Variants in MLIP observed in about 807,000 individuals in gnomAD.
MLIP encodes muscular LMNA interacting protein.
MLIP carries 79 observed loss-of-function variants against 84.8 expected under a neutral mutation model. The ratio of observed to expected loss-of-function variants is 0.93; its 90% CI spans 0.78 to 1.12. MLIP has a LOEUF of 1.12. MLIP is among the 50% of genes most tolerant of loss of function. MLIP has a pLI of 0.00. For missense variants in MLIP, 1,257 were observed against 1,160.6 expected (o/e 1.08, Z -1.21); for synonymous variants, 504 against 463.0 (o/e 1.09, Z -1.14).
At chr6:54,047,675 A>T (rs1010133926) in intron 1 of MLIP, 4 of 152,192 alleles carry the variant, frequency 2.6e-5, no homozygotes, top group African/African-American at 9.6e-5. Flanking sequence ...AACTTCAACT[A>T]AGCAGTTCCG....
chr6:54,190,914 G>GCCTC (rs1160870201), intron 10 of MLIP, among the ~76,000 whole-genome samples: 4 of 151,208 alleles, frequency 2.6e-5, no homozygotes, highest in Middle Eastern at 3.4e-3. Context: ...TCCTGCCTCA[G>GCCTC]CCTCCCGAGT....
rs77318205 is a variant in MLIP at position 54,040,653 on chromosome 6, T to C, written c.63+21562T>C. 6.3e-3 allele frequency among the ~76,000 whole-genome samples: 965 copies of C among 152,048 alleles called. 2 individuals carry two copies. The highest frequency in any genetic ancestry group is 0.01 in the Non-Finnish European group (692 of 67,920). ...GCACTATTTCATAATAACAAATACA[T>C]AGAATCAACCTAGGTGCCTATCAGT... On this transcript the variant is annotated intron_variant, in intron 1 of 12. Coordinates refer to the MLIP transcript ENST00000274897.
intron 1 of MLIP, among the ~76,000 whole-genome samples, chr6:54,042,887 C>A (rs1248158608): frequency 6.6e-6 from 1 of 152,126 alleles, no homozygotes; most frequent in African/African-American, 2.4e-5. Flanking sequence ...TCATCATCGT[C>A]ACTTAGTAAT....
chr6:54,262,637 G>A (rs1783461509), intron 13 of MLIP, among the ~76,000 whole-genome samples: 1 of 151,960 alleles, frequency 6.6e-6, no homozygotes, highest in South Asian at 2.1e-4. Context: ...GTCTTTCTTG[G>A]TTGTTTACAT....
rs552558359 is a variant in MLIP at position 54,203,049 on chromosome 6, C to A, written c.2718+816C>A. Reference sequence around the variant, plus strand: ...AAGTAATAGTAACAGAATCGGGGATCAAGTCATATTTAGGATTTGTTGTTC... The same window carrying A: ...AAGTAATAGTAACAGAATCGGGGATAAAGTCATATTTAGGATTTGTTGTTC... On this transcript the variant is annotated intron_variant, in intron 11 of 13. Coordinates refer to ENST00000502396, the MANE Select transcript of MLIP (RefSeq NM_001281747.2). Among the ~76,000 whole-genome samples the A allele has an allele frequency of 3.3e-5, 5 of 152,164 alleles. No individual in the cohort carries two copies. The South Asian group carries it at 1.0e-3, about 32-fold the overall frequency.
At position 54,265,983 on chromosome 6, in the gene MLIP, C is replaced by A; in HGVS notation, c.*28C>A. 9 of 1,610,590 alleles carry A rather than the reference C, an allele frequency of 5.6e-6. No homozygotes were observed. Among genetic ancestry groups the A allele is most frequent in the Middle Eastern group, 1.8e-4 (1 of 5,710 alleles). Reference sequence around the variant, plus strand: ...TTGGAGCAGAGGCTGAAAACACAGGCTGCTGAAGTTTTTTGGAATGCTGGT... The same window carrying A: ...TTGGAGCAGAGGCTGAAAACACAGGATGCTGAAGTTTTTTGGAATGCTGGT... On this transcript the variant is annotated 3_prime_UTR_variant, in exon 14 of 14. Transcript: ENST00000502396.
chr6:54,213,092 T>C (rs1779575913), intron 11 of MLIP, among the ~76,000 whole-genome samples: 1 of 152,188 alleles, frequency 6.6e-6, no homozygotes, highest in Non-Finnish European at 1.5e-5. Context: ...GTTTCATAAT[T>C]ATAAAAGACT....
intron 11 of MLIP, among the ~76,000 whole-genome samples, chr6:54,228,019 T>C (rs1780700843): frequency 6.6e-6 from 1 of 151,472 alleles, no homozygotes; most frequent in Non-Finnish European, 1.5e-5. Flanking sequence ...CTGTCTCTAC[T>C]AAAAATACAA....
Position 54,217,544 on chromosome 6 carries a change from A to C in MLIP, c.2719-13170A>C, listed in dbSNP as rs142982837. The C allele has an allele frequency of 4.1e-4, 407 of 985,006 alleles. 1 individual carries two copies. In the African/African-American group the frequency reaches 5.9e-3, roughly 14 times the overall value. 61.0% of individuals were successfully genotyped at this position (985,006 alleles called of 1,614,324 possible). A position where few individuals can be genotyped will look rare whatever the true frequency, so the allele number is the denominator to read the frequency against. ...TTGTCTGCTAATTTTTCTTTAATGAACAAAGATATTACTTGCTTCATAAGT... is the reference window on the plus strand; with the variant it reads ...TTGTCTGCTAATTTTTCTTTAATGACCAAAGATATTACTTGCTTCATAAGT... On this transcript the variant is annotated intron_variant, in intron 11 of 13. Transcript: ENST00000502396.
intron 1 of MLIP, among the ~76,000 whole-genome samples, chr6:54,060,845 T>C (rs1261682748): frequency 6.6e-6 from 1 of 152,030 alleles, no homozygotes; most frequent in Non-Finnish European, 1.5e-5. Context: ...TACATACATT[T>C]GATAAAGAAA....
chr6:54,181,088 C>T (rs755826647), intron 9 of MLIP, among the ~76,000 whole-genome samples: 10 of 152,150 alleles, frequency 6.6e-5, no homozygotes, highest in Non-Finnish European at 5.9e-5. Flanking sequence ...GATGCATGCA[C>T]CCCTGTGGCA....
At chr6:54,062,973 C>A (rs754055445) in intron 1 of MLIP, among the ~76,000 whole-genome samples, 5 of 151,884 alleles carry the variant, frequency 3.3e-5, no homozygotes, top group African/African-American at 1.2e-4. Context: ...GAGGCCGAGG[C>A]GGGTGGATTA....
chr6:54,102,855 G>C (rs997605329), intron 1 of MLIP, among the ~76,000 whole-genome samples: 3 of 152,152 alleles, frequency 2.0e-5, no homozygotes, highest in Non-Finnish European at 4.4e-5. Context: ...TCACTGTATA[G>C]TCATATAATT....
chr6:54,143,032 C>A (rs1404808930), intron 4 of MLIP, among the ~76,000 whole-genome samples: 6 of 152,186 alleles, frequency 3.9e-5, no homozygotes, highest in African/African-American at 1.2e-4. Flanking sequence ...CCTTGACTTT[C>A]CAGGCTTCTT....
chr6:54,178,651 C>G (rs1458145086), intron 9 of MLIP, among the ~76,000 whole-genome samples: 3 of 152,146 alleles, frequency 2.0e-5, no homozygotes, highest in African/African-American at 7.2e-5. Flanking sequence ...CATTGACCCA[C>G]TGGTCATTCA....
chr6:54,231,151 T>G (rs946644131), intron 12 of MLIP, among the ~76,000 whole-genome samples: 1 of 152,236 alleles, frequency 6.6e-6, no homozygotes, highest in Non-Finnish European at 1.5e-5. Context: ...ATTCCCTGAT[T>G]TGTATTTTTC....
At chr6:54,061,540 A>G (rs1765964717) in intron 1 of MLIP, among the ~76,000 whole-genome samples, 1 of 152,200 alleles carries the variant, frequency 6.6e-6, no homozygotes. Context: ...ATTGTGCTCA[A>G]AGCTTCATAC....
intron 11 of MLIP, among the ~76,000 whole-genome samples, chr6:54,208,911 T>C (rs1779227343): frequency 6.6e-6 from 1 of 152,216 alleles, no homozygotes; most frequent in Non-Finnish European, 1.5e-5. Context: ...GTGATAGCTG[T>C]TAATAAGTAT....
intron 11 of MLIP, among the ~76,000 whole-genome samples, chr6:54,230,442 T>C (rs1780907345): frequency 6.6e-6 from 1 of 152,126 alleles, no homozygotes; most frequent in Non-Finnish European, 1.5e-5. Flanking sequence ...CTTAATACTT[T>C]CAAAAATAAA....
Sources: gnomAD v4.1 joint callset for allele counts (sites outside exome capture counted in the v4.1 genomes callset) on GRCh38, gnomAD v4.1.1 for gene constraint, MANE v1.5 for transcripts, NCBI Gene and HGNC (gene_info 2026-07-23, HGNC 2026-07-21) for gene names.